MAF: variants seen among roughly 807,000 people sequenced by gnomAD.
The protein encoded by MAF is transcription factor Maf.
In MAF, 10 loss-of-function variants were observed where a neutral mutation model predicts 22.0. The observed-to-expected ratio is 0.45, with a 90% CI of 0.28 to 0.77. The LOEUF (loss-of-function observed/expected upper bound fraction) is 0.77, where lower values mean the gene tolerates loss of function less well. MAF is among the 30% of genes least tolerant of loss of function. The pLI is 0.12. For missense variants in MAF, 544 were observed against 548.4 expected (o/e 0.99, Z 0.08); for synonymous variants, 337 against 255.8 (o/e 1.32, Z -3.03).
chr16:79,231,087 A>C, the MAF span, among the ~76,000 whole-genome samples: 193 of 152,100 alleles, frequency 1.3e-3, 2 homozygotes, highest in Non-Finnish European at 2.0e-3. Flanking sequence ...GTTTTGCCCC[A>C]GGAAAAATGG....
chr16:79,218,531 G>T, the MAF span, among the ~76,000 whole-genome samples: 1 of 152,164 alleles, frequency 6.6e-6, no homozygotes, highest in African/African-American at 2.4e-5. Flanking sequence ...CTATCTGGAA[G>T]GGTTACACAG....
At chr16:79,417,817 A>G in the MAF span, among the ~76,000 whole-genome samples, 3 of 152,282 alleles carry the variant, frequency 2.0e-5, no homozygotes, top group South Asian at 2.1e-4. Context: ...TCTTGAGGCC[A>G]GATAAGACGC....
At chr16:79,273,189 A>G in the MAF span, among the ~76,000 whole-genome samples, 1 of 152,208 alleles carries the variant, frequency 6.6e-6, no homozygotes, top group East Asian at 1.9e-4. Context: ...CCCTGCTTTC[A>G]ACCCCTAGGG....
At chr16:79,458,405 TCAGAGA>T in the MAF span, among the ~76,000 whole-genome samples, 1 of 152,182 alleles carries the variant, frequency 6.6e-6, no homozygotes, top group Non-Finnish European at 1.5e-5. Context: ...CATGTGGCCC[TCAGAGA>T]CAGAGTGTTT....
the MAF span, among the ~76,000 whole-genome samples, chr16:79,240,850 C>T: frequency 6.6e-6 from 1 of 152,032 alleles, no homozygotes; most frequent in Non-Finnish European, 1.5e-5. Flanking sequence ...GAGGAAGAAA[C>T]AGGCAGCCAT....
chr16:79,383,289 G>T, the MAF span, among the ~76,000 whole-genome samples: 1 of 152,080 alleles, frequency 6.6e-6, no homozygotes, highest in African/African-American at 2.4e-5. Flanking sequence ...TGTTCAGATG[G>T]TTCAACTTCA....
chr16:79,324,835 A>G, the MAF span, among the ~76,000 whole-genome samples: 2 of 152,332 alleles, frequency 1.3e-5, no homozygotes, highest in African/African-American at 4.8e-5. Flanking sequence ...ATTCTCTTAC[A>G]GTTCTGGAGG....
At chr16:79,309,618 T>G in the MAF span, among the ~76,000 whole-genome samples, 1 of 152,204 alleles carries the variant, frequency 6.6e-6, no homozygotes, top group Non-Finnish European at 1.5e-5. Context: ...GTTTCCACTT[T>G]AATACAGATT....
the MAF span, among the ~76,000 whole-genome samples, chr16:79,289,374 G>T: frequency 6.6e-6 from 1 of 152,126 alleles, no homozygotes; most frequent in South Asian, 2.1e-4. Flanking sequence ...GGAAGGCCTG[G>T]AGTGGCAGTG....
chr16:79,445,502 G>A, the MAF span, among the ~76,000 whole-genome samples: 1 of 152,286 alleles, frequency 6.6e-6, no homozygotes, highest in African/African-American at 2.4e-5. Context: ...TGGCTCAGCT[G>A]GGATTCAAAA....
At chr16:79,535,455 G>C in the MAF span, among the ~76,000 whole-genome samples, 1 of 151,144 alleles carries the variant, frequency 6.6e-6, no homozygotes, top group African/African-American at 2.4e-5. Flanking sequence ...GAGTGGTCAA[G>C]AGGTGTGTGA....
the MAF span, among the ~76,000 whole-genome samples, chr16:79,440,498 C>T: frequency 6.6e-5 from 10 of 152,148 alleles, no homozygotes; most frequent in African/African-American, 2.4e-4. Context: ...TGCAGTGGTG[C>T]AATCTTGGCT....
rs745608324 is a variant in MAF at position 79,599,954 on chromosome 16, G to C, written c.-52C>G. The C allele has an allele frequency of 3.8e-6, 6 of 1,596,888 alleles. No homozygotes were observed. In the African/African-American group the frequency reaches 6.7e-5, roughly 18 times the overall value. On this transcript the variant is annotated 5_prime_UTR_variant, in exon 1 of 2. Coordinates refer to ENST00000326043, the MANE Select transcript of MAF (RefSeq NM_005360.5). ...CGCCGCTCCGCCAGATGGGCTGCAG[G>C]AGAGGGGCCAGCGGGCTGTGCTGGG... is the stretch of plus-strand genomic sequence containing the variant.
chr16:79,583,117 A>G (rs1288259515), downstream of MAF, among the ~76,000 whole-genome samples: 2 of 152,210 alleles, frequency 1.3e-5, no homozygotes, highest in South Asian at 2.1e-4. Flanking sequence ...ACCCACACCA[A>G]CACTCAGCAT....
At chr16:79,478,105 C>T in the MAF span, among the ~76,000 whole-genome samples, 1 of 152,152 alleles carries the variant, frequency 6.6e-6, no homozygotes, top group African/African-American at 2.4e-5. Flanking sequence ...TTAGAGAGCA[C>T]CTTGCCCACA....
the MAF span, among the ~76,000 whole-genome samples, chr16:79,246,540 T>TC: frequency 2.0e-5 from 2 of 101,372 alleles, no homozygotes; most frequent in African/African-American, 7.1e-5. Context: ...AGGTTTTTTT[T>TC]GGGGGGGGTG....
At chr16:79,461,546 T>C in the MAF span, among the ~76,000 whole-genome samples, 3 of 152,304 alleles carry the variant, frequency 2.0e-5, no homozygotes, top group Non-Finnish European at 4.4e-5. Context: ...CTCCCCTCTC[T>C]TCTGCTGGCT....
At chr16:79,345,587 G>A in the MAF span, among the ~76,000 whole-genome samples, 44 of 151,804 alleles carry the variant, frequency 2.9e-4, no homozygotes, top group African/African-American at 1.0e-3. Context: ...AATTAGCCAG[G>A]CATGGTGGTG....
At chr16:79,438,284 A>G in the MAF span, among the ~76,000 whole-genome samples, 2 of 152,192 alleles carry the variant, frequency 1.3e-5, no homozygotes, top group Non-Finnish European at 1.5e-5. Context: ...TTATTAACTC[A>G]GCAGTGTCAG....
Sources: gnomAD v4.1 joint callset for allele counts (sites outside exome capture counted in the v4.1 genomes callset) on GRCh38, gnomAD v4.1.1 for gene constraint, MANE v1.5 for transcripts, NCBI Gene and HGNC (gene_info 2026-07-23, HGNC 2026-07-21) for gene names.